Variants in LARGE1 observed in about 807,000 individuals in gnomAD.
The protein encoded by LARGE1 is xylosyl- and glucuronyltransferase LARGE1.
Under a neutral mutation model 87.6 loss-of-function variants are expected in LARGE1, and 43 were observed. That is an observed-to-expected ratio of 0.49 (90% CI 0.38 to 0.63). LARGE1 has a LOEUF of 0.63. Ranked by LOEUF, LARGE1 falls within the 30% of genes least tolerant of loss-of-function variation. LARGE1 has a pLI of 0.00. For missense variants in LARGE1, 802 were observed against 1,000.2 expected (o/e 0.80, Z 2.67); for synonymous variants, 434 against 394.6 (o/e 1.10, Z -1.18).
At position 33,650,454 on chromosome 22, in the gene LARGE1, G is replaced by A; in HGVS notation, c.321C>T (p.Gly107=). 5.6e-6 allele frequency: 9 copies of A among 1,614,132 alleles called. No homozygotes were observed. Among genetic ancestry groups the A allele is most frequent in the Non-Finnish European group, 6.8e-6 (8 of 1,180,048 alleles). Residue 107 remains glycine, a synonymous_variant, in exon 3 of 15, where the codon GGC becomes GGT. Transcript: ENST00000397394. ...NHSKTYSMEE[G]TGDSENLRAG... ...CCCGAAGGTTCTCGCTGTCTCCAGT[G>A]CCCTCCTCCATGGAGTAGGTCTTGG...
At chr22:33,426,914 C>T (rs1569153810) in intron 7 of LARGE1, among the ~76,000 whole-genome samples, 1 of 152,220 alleles carries the variant, frequency 6.6e-6, no homozygotes, top group Non-Finnish European at 1.5e-5. Context: ...GCTTGAGTCG[C>T]CTTTGGGGTC....
At chr22:33,746,736 G>A (rs528771914) in intron 2 of LARGE1, among the ~76,000 whole-genome samples, 44 of 152,328 alleles carry the variant, frequency 2.9e-4, no homozygotes, top group Admixed American at 8.5e-4. Flanking sequence ...TAAGTCAGAG[G>A]AGATAAAATA....
rs928790233 is a variant in LARGE1, at chr22:33,875,644, C to T, written c.-83+44351G>A. 5.3e-5 allele frequency among the ~76,000 whole-genome samples: 8 copies of T among 152,194 alleles called. No individual in the cohort carries two copies. In the South Asian group the frequency reaches 1.4e-3, roughly 28 times the overall value. Reference sequence around the variant, plus strand: ...TGTCCCATGCCGCAAAGCAGGTGACCGATGAATTTAGCTCGCACTTGGCAG... The same window carrying T: ...TGTCCCATGCCGCAAAGCAGGTGACTGATGAATTTAGCTCGCACTTGGCAG... On this transcript the variant is annotated intron_variant, in intron 1 of 14. Coordinates refer to ENST00000397394, the MANE Select transcript of LARGE1 (RefSeq NM_133642.5).
chr22:33,706,434 A>G (rs1353141701), intron 2 of LARGE1, among the ~76,000 whole-genome samples: 1 of 152,202 alleles, frequency 6.6e-6, no homozygotes, highest in Non-Finnish European at 1.5e-5. Flanking sequence ...CAGCAAGAGT[A>G]TCCTGGTATA....
At chr22:33,345,737 C>A (rs760312281) in intron 9 of LARGE1, among the ~76,000 whole-genome samples, 1 of 152,144 alleles carries the variant, frequency 6.6e-6, no homozygotes, top group Admixed American at 6.5e-5. Flanking sequence ...AAAGGAGACA[C>A]GAGAAACTCT....
intron 2 of LARGE1, among the ~76,000 whole-genome samples, chr22:33,684,770 C>T (rs772905213): frequency 6.6e-6 from 1 of 152,180 alleles, no homozygotes; most frequent in Non-Finnish European, 1.5e-5. Flanking sequence ...CTTCTTACAG[C>T]GATGGCCTTC....
intron 11 of LARGE1, among the ~76,000 whole-genome samples, chr22:33,315,141 G>A (rs1936013072): frequency 6.6e-6 from 1 of 152,120 alleles, no homozygotes; most frequent in Admixed American, 6.5e-5. Flanking sequence ...CCCGGGAGGC[G>A]TGTATTGCTG....
intron 2 of LARGE1, among the ~76,000 whole-genome samples, chr22:33,690,838 A>G (rs557264746): frequency 6.6e-6 from 1 of 152,180 alleles, no homozygotes; most frequent in South Asian, 2.1e-4. Flanking sequence ...TGTTCTGCCT[A>G]CATGCCTGTC....
chr22:33,719,077 C>T (rs2082999212), intron 2 of LARGE1, among the ~76,000 whole-genome samples: 1 of 152,084 alleles, frequency 6.6e-6, no homozygotes, highest in African/African-American at 2.4e-5. Flanking sequence ...CCATGAGCCA[C>T]CACACCCGGC....
At chr22:33,446,336 A>T (rs925486327) in intron 6 of LARGE1, among the ~76,000 whole-genome samples, 1 of 152,140 alleles carries the variant, frequency 6.6e-6, no homozygotes, top group African/African-American at 2.4e-5. Context: ...CACTTTCCTA[A>T]GCTCTGTATC....
chr22:33,290,008 G>A (rs1476063031), intron 12 of LARGE1, among the ~76,000 whole-genome samples: 1 of 152,140 alleles, frequency 6.6e-6, no homozygotes, highest in East Asian at 1.9e-4. Flanking sequence ...GGTGCAGATG[G>A]TAGGCTTGCC....
At chr22:33,339,092 G>A (rs1463101362) in intron 9 of LARGE1, among the ~76,000 whole-genome samples, 2 of 151,598 alleles carry the variant, frequency 1.3e-5, no homozygotes, top group Non-Finnish European at 2.9e-5. Flanking sequence ...AGGTTGCGGT[G>A]GGCCGAGATT....
chr22:33,250,499 G>A (rs1049160645), intron 11 of LARGE1, among the ~76,000 whole-genome samples: 1 of 152,070 alleles, frequency 6.6e-6, no homozygotes, highest in Non-Finnish European at 1.5e-5. Flanking sequence ...CTCAATATGT[G>A]TACTCTTCTT....
rs150939886 is a variant in LARGE1 at position 33,282,915 on chromosome 22, C to G, written c.1877+287G>C. The stretch of plus-strand genomic sequence containing the variant: ...AACTGAGTTTAGAAAAAAGGACAAA[C>G]AGAAATAAGCTAAACCTTCCTACCC... On this transcript the variant is annotated intron_variant, in intron 13 of 14. Coordinates refer to ENST00000397394, the MANE Select transcript of LARGE1 (RefSeq NM_133642.5). 6.8e-4 allele frequency among the ~76,000 whole-genome samples: 103 copies of G among 152,298 alleles called. 1 individual carries two copies. In the East Asian group the frequency reaches 0.018, roughly 26 times the overall value.
intron 6 of LARGE1, among the ~76,000 whole-genome samples, chr22:33,442,151 C>T (rs756267084): frequency 2.0e-5 from 3 of 152,188 alleles, no homozygotes; most frequent in Admixed American, 2.0e-4. Context: ...AACTAGCCAT[C>T]AGTTAATCAA....
chr22:33,758,976 TTCAA>T (rs2084622889), intron 2 of LARGE1, among the ~76,000 whole-genome samples: 1 of 152,144 alleles, frequency 6.6e-6, no homozygotes, highest in Admixed American at 6.5e-5. Context: ...CCACAGGCAA[TTCAA>T]TCAGAGGCAA....
chr22:33,520,126 T>A lies in LARGE1; in HGVS notation c.787+44722A>T, dbSNP rs532082826. ...CTCAAGCAATCCTCCCTCTTCAGCC[T>A]CCCAAGCAGCTGGGGCTACAGGCCT... On this transcript the variant is annotated intron_variant, in intron 6 of 14. Coordinates refer to ENST00000397394, the MANE Select transcript of LARGE1 (RefSeq NM_133642.5). 5.7e-4 allele frequency among the ~76,000 whole-genome samples: 85 copies of A among 148,320 alleles called. No individual in the cohort carries two copies. The South Asian group carries it at 0.017, about 30-fold the overall frequency.
At chr22:33,396,241 C>T (rs994530424) in intron 7 of LARGE1, among the ~76,000 whole-genome samples, 9 of 152,210 alleles carry the variant, frequency 5.9e-5, no homozygotes, top group African/African-American at 2.2e-4. Context: ...CAACCTTCCT[C>T]CCTTCTGCTT....
chr22:33,456,893 A>C (rs2068152236), intron 6 of LARGE1, among the ~76,000 whole-genome samples: 1 of 152,230 alleles, frequency 6.6e-6, no homozygotes, highest in Admixed American at 6.5e-5. Flanking sequence ...AGATATGATC[A>C]AGTCAAATAA....
Sources: allele counts gnomAD v4.1 joint callset (sites outside exome capture counted in the v4.1 genomes callset), GRCh38; gene constraint gnomAD v4.1.1; transcripts MANE v1.5; gene names NCBI Gene and HGNC (gene_info 2026-07-23, HGNC 2026-07-21).